The following LRATD2 variants were observed in gnomAD, a reference collection of about 807,000 sequenced individuals.
LRATD2 encodes protein LRATD2.
Under a neutral mutation model 12.0 loss-of-function variants are expected in LRATD2, and 10 were observed. The observed-to-expected ratio is 0.83, with a 90% confidence interval of 0.51 to 1.41. The LOEUF (loss-of-function observed/expected upper bound fraction) is 1.41. Among genes scored for constraint, LRATD2 ranks in the 40% most tolerant of loss-of-function variants. The pLI, the probability that LRATD2 is intolerant of heterozygous loss-of-function variation, is 0.00. For synonymous variants in LRATD2, 220 were observed against 205.8 expected, an observed-to-expected ratio of 1.07 and a Z score of -0.59; for missense variants, 455 against 446.1, an observed-to-expected ratio of 1.02 and a Z score of -0.18.
Position 126,557,187 on chromosome 8 carries a change from G to C in LRATD2, c.203C>G (p.Pro68Arg). 1 of 1,604,304 alleles carries C rather than the reference G, an allele frequency of 6.2e-7. No homozygotes were observed. The highest frequency in any genetic ancestry group is 8.5e-7 in the Non-Finnish European group (1 of 1,176,154). The part of the protein sequence containing the change: ...GLPDGGDGPP[P>R]PQPQPYDPRL... ...CGGATCGTAGGGCTGCGGCTGGGGC[G>C]GCGGCGGCCCGTCCCCACCGTCGGG... is the stretch of plus-strand genomic sequence containing the variant. Residue 68 changes from proline to arginine, a missense_variant, in exon 2 of 2, where the codon CCG becomes CGG. Transcript: ENST00000304916. This position sits in a 1 kb window ranked among gnomAD's most constrained non-coding sequence, Gnocchi z 5.3.
rs1185284152 is a variant in LRATD2, at chr8:126,555,253, A to G, written c.*1204T>C. 1.3e-5 allele frequency: 2 copies of G among 152,200 alleles called. No individual in the cohort carries two copies. The highest frequency in any genetic ancestry group is 2.9e-5 in the Non-Finnish European group (2 of 68,038). The allele number at this position is 152,200 out of a possible 1,614,324, so 9.4% of individuals were successfully genotyped here. A position where few individuals can be genotyped will look rare whatever the true frequency, so the allele number is the denominator to read the frequency against. On this transcript the variant is annotated 3_prime_UTR_variant, in exon 2 of 2. Transcript: ENST00000304916. Reference sequence around the variant, plus strand: ...TTGCATCAAGTGTGGATAGCAAAATAAGTATCTTACCATTGAAATATGTGT... The same window carrying G: ...TTGCATCAAGTGTGGATAGCAAAATGAGTATCTTACCATTGAAATATGTGT...
In LRATD2 at chr8:126,556,774, C is replaced by A. The variant is rs748846968; in HGVS notation, c.616G>T (p.Ala206Ser). The change falls in exon 2 of 2, where the codon GCC (alanine) becomes TCC (serine). Residue 206 changes from alanine to serine, a missense_variant. Ala to Ser is a moderately conservative substitution (Grantham distance 99, BLOSUM62 1). Coordinates refer to ENST00000304916, the MANE Select transcript of LRATD2 (RefSeq NM_174911.5). This position sits in a 1 kb window ranked among gnomAD's most constrained non-coding sequence, Gnocchi z 5.6. Reference sequence around the variant, plus strand: ...TCGCGCTTGCCGTAGCGGCACCAGGCGGCGAAACTCTCCGAGTTGCGCCAG... The same window carrying A: ...TCGCGCTTGCCGTAGCGGCACCAGGAGGCGAAACTCTCCGAGTTGCGCCAG... ...LSWRNSESFA[A>S]WCRYGKREFK... 2 of 1,596,778 alleles carry A rather than the reference C, an allele frequency of 1.3e-6. No individual in the cohort carries two copies. Among genetic ancestry groups the A allele is most frequent in the East Asian group, 2.3e-5 (1 of 44,376 alleles).
rs1395447295 is a variant in LRATD2, at chr8:126,556,381, G to C, written c.*76C>G. On this transcript the variant is annotated 3_prime_UTR_variant, in exon 2 of 2. Transcript: ENST00000304916. The surrounding 1 kb of genome is among the most constrained non-coding windows in gnomAD (Gnocchi z 5.6). ...GGCCCAGACAGTGGCAAAAGAGGGAGGAAGAGAGGGAGAAAGGGAGCAGCG... is the reference window on the plus strand; with the variant it reads ...GGCCCAGACAGTGGCAAAAGAGGGACGAAGAGAGGGAGAAAGGGAGCAGCG... 32 of 1,437,442 alleles carry C rather than the reference G, an allele frequency of 2.2e-5. No individual in the cohort carries two copies. The highest frequency in any genetic ancestry group is 3.7e-6 in the Non-Finnish European group (4 of 1,084,878). The allele number at this position is 1,437,442 out of a possible 1,614,324, so 89.0% of individuals were successfully genotyped here.
chr8:126,552,532 G>C lies in LRATD2; in HGVS notation c.*3925C>G, dbSNP rs923536099. 6.6e-6 allele frequency: 1 copy of C among 152,618 alleles called. No homozygotes were observed. Among genetic ancestry groups the C allele is most frequent in the Non-Finnish European group, 1.5e-5 (1 of 68,034 alleles). 9.5% of individuals were successfully genotyped at this position (152,618 alleles called of 1,614,324 possible). On this transcript the variant is annotated 3_prime_UTR_variant, in exon 2 of 2. Transcript: ENST00000304916. ...TTATTTTAATAAGACATAGTGAAGA[G>C]GAAATGGCTTAAAAGATATCATCAA... is the stretch of plus-strand genomic sequence containing the variant.
chr8:126,554,686 A>T lies in LRATD2; in HGVS notation c.*1771T>A, dbSNP rs1817348622. On this transcript the variant is annotated 3_prime_UTR_variant, in exon 2 of 2. Transcript: ENST00000304916. ...ATGTGTGAAACAAGTGTATTAGAAA[A>T]TTCTTTAAGTCTTGTTGCCTTAACT... 2 of 152,200 alleles carry T rather than the reference A, an allele frequency of 1.3e-5. No individual in the cohort carries two copies. The highest frequency in any genetic ancestry group is 2.9e-5 in the Non-Finnish European group (2 of 68,032). 9.4% of individuals were successfully genotyped at this position (152,200 alleles called of 1,614,324 possible).
At position 126,554,592 on chromosome 8, in the gene LRATD2, T is replaced by C. The variant is rs1005735235; in HGVS notation, c.*1865A>G. On this transcript the variant is annotated 3_prime_UTR_variant, in exon 2 of 2. Transcript: ENST00000304916. ...GTGATCACTGTAAAAACAGGAAACA[T>C]AGCTAATGCCCTTTCATGTTGAGGT... 1 of 152,210 alleles carries C rather than the reference T, an allele frequency of 6.6e-6. No homozygotes were observed. The highest frequency in any genetic ancestry group is 1.5e-5 in the Non-Finnish European group (1 of 68,036). The allele number at this position is 152,210 out of a possible 1,614,324, so 9.4% of individuals were successfully genotyped here.
rs1279143668 is a variant in LRATD2, at chr8:126,557,579, G to A, written c.-96-94C>T. ...AAGAATCGGTGGGGGCTCAGCACCT[G>A]GAGCCATTTTAGGGGGAAGTCTCGG... On this transcript the variant is annotated intron_variant, in intron 1 of 1. Transcript: ENST00000304916. This position sits in a 1 kb window ranked among gnomAD's most constrained non-coding sequence, Gnocchi z 5.3. 3.2e-6 allele frequency: 2 copies of A among 631,060 alleles called. No individual in the cohort carries two copies. Among genetic ancestry groups the A allele is most frequent in the Non-Finnish European group, 5.4e-6 (2 of 367,490 alleles). The allele number at this position is 631,060 out of a possible 1,614,324, so 39.1% of individuals were successfully genotyped here. A position where few individuals can be genotyped will look rare whatever the true frequency, so the allele number is the denominator to read the frequency against.
At position 126,556,444 on chromosome 8, in the gene LRATD2, C is replaced by T; in HGVS notation, c.*13G>A. The T allele has an allele frequency of 1.3e-6, 2 of 1,548,426 alleles. No individual in the cohort carries two copies. The highest frequency in any genetic ancestry group is 1.7e-6 in the Non-Finnish European group (2 of 1,153,470). On this transcript the variant is annotated 3_prime_UTR_variant, in exon 2 of 2. Transcript: ENST00000304916. The surrounding 1 kb of genome is among the most constrained non-coding windows in gnomAD (Gnocchi z 5.6). ...AACAGTTCCCCTTCGCAGCTCTGCG[C>T]TCAGCTCGCCCATCAGTGTGCCACT... is the stretch of plus-strand genomic sequence containing the variant.
At position 126,554,465 on chromosome 8, in the gene LRATD2, C is replaced by G. The variant is rs562292183; in HGVS notation, c.*1992G>C. On this transcript the variant is annotated 3_prime_UTR_variant, in exon 2 of 2. Transcript: ENST00000304916. ...GCTGTGAGAGTATTAAATATGGACA[C>G]TAGATTTACATTTCCAACAAGAAAT... 2 of 152,342 alleles carry G rather than the reference C, an allele frequency of 1.3e-5. No individual in the cohort carries two copies. The highest frequency in any genetic ancestry group is 1.3e-4 in the Admixed American group (2 of 15,310). 9.4% of individuals were successfully genotyped at this position (152,342 alleles called of 1,614,324 possible). A position where few individuals can be genotyped will look rare whatever the true frequency, so the allele number is the denominator to read the frequency against.
rs569737072 is a variant in LRATD2, at chr8:126,555,900, G to A, written c.*557C>T. ...TCTGCTGCTCCCGGACCTTGTCATG[G>A]ATTCACCAGCCCTGCGCTCCAGGAA... On this transcript the variant is annotated 3_prime_UTR_variant, in exon 2 of 2. Coordinates refer to ENST00000304916, the MANE Select transcript of LRATD2 (RefSeq NM_174911.5). The A allele has an allele frequency of 1.3e-5, 2 of 153,066 alleles. No individual in the cohort carries two copies. Among genetic ancestry groups the A allele is most frequent in the Admixed American group, 6.5e-5 (1 of 15,284 alleles). The allele number at this position is 153,066 out of a possible 1,614,324, so 9.5% of individuals were successfully genotyped here. A position where few individuals can be genotyped will look rare whatever the true frequency, so the allele number is the denominator to read the frequency against.
In LRATD2 at chr8:126,555,631, G is replaced by C. The variant is rs1397711927; in HGVS notation, c.*826C>G. On this transcript the variant is annotated 3_prime_UTR_variant, in exon 2 of 2. Transcript: ENST00000304916. ...TGTAAGTGCCTACAACAGCAGGGGA[G>C]AAACAAAGGCAGCAGAACAGAACCT... 6.5e-6 allele frequency: 1 copy of C among 152,704 alleles called. No homozygotes were observed. Among genetic ancestry groups the C allele is most frequent in the Non-Finnish European group, 1.5e-5 (1 of 68,102 alleles). 9.5% of individuals were successfully genotyped at this position (152,704 alleles called of 1,614,324 possible). A position where few individuals can be genotyped will look rare whatever the true frequency, so the allele number is the denominator to read the frequency against.
Position 126,556,817 on chromosome 8 carries a change from G to A in LRATD2, c.573C>T (p.Ala191=), listed in dbSNP as rs1158026683. Residue 191 remains alanine (A), a synonymous_variant, in exon 2 of 2, where the codon GCC becomes GCT. Coordinates refer to ENST00000304916, the MANE Select transcript of LRATD2 (RefSeq NM_174911.5). This position sits in a 1 kb window ranked among gnomAD's most constrained non-coding sequence, Gnocchi z 5.6. The stretch of plus-strand genomic sequence containing the variant: ...TGCGCCAGCTCAGCTCGCGCTCCTT[G>A]GCACCCACGTGCGCCAGCGCGTTGC... ...VVRNALAHVG[A]KERELSWRNS... is the part of the protein sequence containing the mutation. 5 of 1,602,144 alleles carry A rather than the reference G, an allele frequency of 3.1e-6. No individual in the cohort carries two copies. The highest frequency in any genetic ancestry group is 4.2e-6 in the Non-Finnish European group (5 of 1,177,722).
At position 126,555,064 on chromosome 8, in the gene LRATD2, TCAC is replaced by T. The variant is rs1390624066; in HGVS notation, c.*1390_*1392del. The T allele has an allele frequency of 6.6e-6, 1 of 152,140 alleles. No homozygotes were observed. Among genetic ancestry groups the T allele is most frequent in the Non-Finnish European group, 1.5e-5 (1 of 68,022 alleles). The allele number at this position is 152,140 out of a possible 1,614,324, so 9.4% of individuals were successfully genotyped here. ...AGCCTGCCGCTAACAGATCTCACAA[TCAC>T]CAACTGTGCTTTAGGACTGTCACCA... On this transcript the variant is annotated 3_prime_UTR_variant, in exon 2 of 2. Transcript: ENST00000304916.
At position 126,556,850 on chromosome 8, in the gene LRATD2, G is replaced by C. The variant is rs771229539; in HGVS notation, c.540C>G (p.Ala180=). The C allele has an allele frequency of 5.0e-6, 8 of 1,606,226 alleles. No individual in the cohort carries two copies. Among genetic ancestry groups the C allele is most frequent in the African/African-American group, 4.0e-5 (3 of 74,924 alleles). Reference sequence around the variant, plus strand: ...CGTGCGCCAGCGCGTTGCGCACCACGGCGCTGGAGCTTAGCGGCTTGTAGC... The same window carrying C: ...CGTGCGCCAGCGCGTTGCGCACCACCGCGCTGGAGCTTAGCGGCTTGTAGC... The part of the protein sequence containing the change: ...LYRYKPLSSS[A]VVRNALAHVG... Residue 180 remains alanine (A), a synonymous_variant, in exon 2 of 2, where the codon GCC becomes GCG. Transcript: ENST00000304916. This position sits in a 1 kb window ranked among gnomAD's most constrained non-coding sequence, Gnocchi z 5.6.
In LRATD2 at chr8:126,556,525, T is replaced by C. The variant is rs767547351; in HGVS notation, c.865A>G (p.Thr289Ala). 1 of 1,599,250 alleles carries C rather than the reference T, an allele frequency of 6.3e-7. No homozygotes were observed. The highest frequency in any genetic ancestry group is 8.5e-7 in the Non-Finnish European group (1 of 1,174,184). Residue 289 changes from threonine (T) to alanine (A), a missense_variant, in exon 2 of 2, where the codon ACG becomes GCG. Physicochemically the swap from Thr to Ala is moderately conservative, Grantham distance 58. Transcript: ENST00000304916. The surrounding 1 kb of genome is among the most constrained non-coding windows in gnomAD (Gnocchi z 5.6). The stretch of plus-strand genomic sequence containing the variant: ...GCAGGGGGGCGCCCGGGAGGCGGCG[T>C]AGTCCGCGCCACGTTGCTGTCGCCC... ...EEGDSNVART[T>A]PPPGRPPAPS...
At position 126,557,384 on chromosome 8, in the gene LRATD2, G is replaced by A. The variant is rs1817439731; in HGVS notation, c.6C>T (p.Gly2=). 1 of 1,613,188 alleles carries A rather than the reference G, an allele frequency of 6.2e-7. No homozygotes were observed. Among genetic ancestry groups the A allele is most frequent in the Non-Finnish European group, 8.5e-7 (1 of 1,179,832 alleles). The change falls in exon 2 of 2, where the codon GGC becomes GGT. Residue 2 remains glycine (G), a synonymous_variant. Transcript: ENST00000304916. The surrounding 1 kb of genome is among the most constrained non-coding windows in gnomAD (Gnocchi z 5.3). ...GGTGGGTCAATTTCTCCACCTGGTTGCCCATCACGCTGCGGACACACGTTC... is the reference window on the plus strand; with the variant it reads ...GGTGGGTCAATTTCTCCACCTGGTTACCCATCACGCTGCGGACACACGTTC... M[G]NQVEKLTHLS... is the part of the protein sequence containing the mutation.
In LRATD2 at chr8:126,557,579, G is replaced by C. The variant is rs1279143668; in HGVS notation, c.-96-94C>G. ...AAGAATCGGTGGGGGCTCAGCACCT[G>C]GAGCCATTTTAGGGGGAAGTCTCGG... On this transcript the variant is annotated intron_variant, in intron 1 of 1. Transcript: ENST00000304916. This position sits in a 1 kb window ranked among gnomAD's most constrained non-coding sequence, Gnocchi z 5.3. The C allele has an allele frequency of 4.8e-6, 3 of 630,942 alleles. No individual in the cohort carries two copies. In the African/African-American group the frequency reaches 5.6e-5, roughly 12 times the overall value. 39.1% of individuals were successfully genotyped at this position (630,942 alleles called of 1,614,324 possible).
In LRATD2 at chr8:126,557,183, GGGC is replaced by G; in HGVS notation, c.204_206del (p.Pro69del). The G allele has an allele frequency of 6.2e-7, 1 of 1,604,792 alleles. No homozygotes were observed. On this transcript the variant is annotated inframe_deletion, in exon 2 of 2. Coordinates refer to ENST00000304916, the MANE Select transcript of LRATD2 (RefSeq NM_174911.5). This position sits in a 1 kb window ranked among gnomAD's most constrained non-coding sequence, Gnocchi z 5.3. The stretch of plus-strand genomic sequence containing the variant: ...GCCGCGGATCGTAGGGCTGCGGCTG[GGGC>G]GGCGGCGGCCCGTCCCCACCGTCGG...
In LRATD2 at chr8:126,557,060, C is replaced by A. The variant is rs757016305; in HGVS notation, c.330G>T (p.Glu110Asp). Residue 110 changes from glutamate to aspartate, a missense_variant, in exon 2 of 2, where the codon GAG becomes GAT. Physicochemically the swap from Glu to Asp is conservative, Grantham distance 45. Transcript: ENST00000304916. The surrounding 1 kb of genome is among the most constrained non-coding windows in gnomAD (Gnocchi z 5.3). ...GSAALSTYTP[E>D]NLLNKCKPGD... ...CCGGCTTGCACTTGTTGAGCAGGTTCTCGGGCGTGTAGGTACTCAGCGCCG... is the reference window on the plus strand; with the variant it reads ...CCGGCTTGCACTTGTTGAGCAGGTTATCGGGCGTGTAGGTACTCAGCGCCG... The A allele has an allele frequency of 3.1e-6, 5 of 1,608,584 alleles. No homozygotes were observed. The African/African-American group carries it at 5.3e-5, about 17-fold the overall frequency.
Sources: gnomAD v4.1 joint callset for allele counts on GRCh38, gnomAD v4.1.1 for gene constraint, Gnocchi (gnomAD v3.1) non-coding constraint, MANE v1.5 for transcripts, NCBI Gene and HGNC (gene_info 2026-07-23, HGNC 2026-07-21) for gene names.